Variants in SVIL observed in about 807,000 individuals in gnomAD.
SVIL encodes supervillin.
In SVIL, 101 loss-of-function variants were observed where a neutral mutation model predicts 240.4. The observed-to-expected ratio is 0.42, with a 90% confidence interval of 0.36 to 0.50. The LOEUF (loss-of-function observed/expected upper bound fraction) is 0.50. Among genes scored for constraint, SVIL ranks in the 20% least tolerant of loss-of-function variants. SVIL has a pLI of 0.01. For synonymous variants in SVIL, 999 were observed against 1,100.0 expected (o/e 0.91, Z 1.82); for missense variants, 2,512 against 2,818.7 (o/e 0.89, Z 2.46).
chr10:29,645,982 C>T (rs1795250619), intron 3 of SVIL, among the ~76,000 whole-genome samples: 1 of 152,170 alleles, frequency 6.6e-6, no homozygotes, highest in African/African-American at 2.4e-5. Flanking sequence ...GCTACAGCTC[C>T]CTTCAGCTTA....
chr10:29,564,202 C>T (rs569700289), intron 2 of SVIL, among the ~76,000 whole-genome samples: 4 of 152,236 alleles, frequency 2.6e-5, no homozygotes, highest in African/African-American at 4.8e-5. Context: ...CATGTCTGGC[C>T]GCAGCACAAC....
At chr10:29,465,041 T>G (rs1298392040) in intron 34 of SVIL, among the ~76,000 whole-genome samples, 1 of 152,206 alleles carries the variant, frequency 6.6e-6, no homozygotes, top group African/African-American at 2.4e-5. Flanking sequence ...CCTTCTCCTC[T>G]GCCATTTGCT....
intron 1 of SVIL, among the ~76,000 whole-genome samples, chr10:29,596,441 C>T (rs578151298): frequency 2.0e-5 from 3 of 152,232 alleles, no homozygotes; most frequent in Non-Finnish European, 4.4e-5. Flanking sequence ...CTACTGCACT[C>T]CAGCTTGGGC....
chr10:29,500,851 G>A (rs1356003374), intron 17 of SVIL, among the ~76,000 whole-genome samples: 1 of 152,048 alleles, frequency 6.6e-6, no homozygotes, highest in South Asian at 2.1e-4. Flanking sequence ...TCCCTTCACT[G>A]ACCCACGAGA....
chr10:29,615,172 C>T (rs985535924), intron 1 of SVIL, among the ~76,000 whole-genome samples: 2 of 152,100 alleles, frequency 1.3e-5, no homozygotes. Context: ...ATTTAAGAAA[C>T]AGACCAAACA....
chr10:29,671,597 T>A (rs1033242416), intron 2 of SVIL, among the ~76,000 whole-genome samples: 3 of 152,248 alleles, frequency 2.0e-5, no homozygotes, highest in African/African-American at 7.2e-5. Flanking sequence ...ATCCCCTTCC[T>A]TGCTACACTA....
Position 29,532,935 on chromosome 10 carries a change from C to A in SVIL, c.1432G>T (p.Gly478Cys). The change falls in exon 8 of 38, where the codon GGT (glycine) becomes TGT (cysteine). Residue 478 changes from glycine to cysteine, a missense_variant. Around this residue, in one of 3 missense-constraint regions of SVIL, gnomAD observed 1,443 missense variants for 1,486.6 expected, o/e 0.97. Transcript: ENST00000355867. The stretch of plus-strand genomic sequence containing the variant: ...GTGACTGTGCTCACAGCAGGCTTAC[C>A]AAAGTCCTCATTTCTAGAGGGATCT... ...PEDPSRNEDFGKPAVSTVTLE... is the reference protein window; with the variant it reads ...PEDPSRNEDFCKPAVSTVTLE... The A allele has an allele frequency of 6.2e-7, 1 of 1,614,122 alleles. No individual in the cohort carries two copies. The highest frequency in any genetic ancestry group is 1.1e-5 in the South Asian group (1 of 91,072).
intron 1 of SVIL, among the ~76,000 whole-genome samples, chr10:29,619,906 C>T (rs770430495): frequency 8.6e-5 from 13 of 151,744 alleles, no homozygotes; most frequent in African/African-American, 2.7e-4. Flanking sequence ...TTGGATGTTA[C>T]GCATACATAG....
At chr10:29,585,087 T>TC (rs35801845) in intron 1 of SVIL, among the ~76,000 whole-genome samples, 19,755 of 138,158 alleles carry the variant, frequency 0.14, 1,446 homozygotes, top group East Asian at 0.22. Context: ...TTCTTCTTCC[T>TC]TTTTTTTTTT....
At chr10:29,486,382 C>T (rs11007615) in intron 25 of SVIL, 28 bp downstream of exon 25, 36 of 1,610,442 alleles carry the variant, frequency 2.2e-5, no homozygotes, top group Admixed American at 3.4e-5. Flanking sequence ...CAAGTCTCGT[C>T]AATCTCTGAA....
intron 1 of SVIL, among the ~76,000 whole-genome samples, chr10:29,617,496 G>A (rs917404803): frequency 4.0e-5 from 6 of 151,782 alleles, no homozygotes; most frequent in South Asian, 2.1e-4. Flanking sequence ...CAGGAGAATC[G>A]CTTGAACCCG....
intron 36 of SVIL, among the ~76,000 whole-genome samples, chr10:29,458,949 A>C (rs1244472018): frequency 6.7e-6 from 1 of 149,546 alleles, no homozygotes; most frequent in East Asian, 2.0e-4. Context: ...TGGGACTATG[A>C]GTATGCATCA....
At chr10:29,707,967 A>T (rs1038764148) in intron 1 of SVIL, among the ~76,000 whole-genome samples, 28 of 152,304 alleles carry the variant, frequency 1.8e-4, no homozygotes, top group African/African-American at 6.7e-4. Flanking sequence ...ACTTTAAAAA[A>T]AATGTACAGG....
At chr10:29,716,781 T>C (rs898142663) in intron 1 of SVIL, among the ~76,000 whole-genome samples, 2 of 152,178 alleles carry the variant, frequency 1.3e-5, no homozygotes, top group African/African-American at 4.8e-5. Context: ...CTGAAAGAAA[T>C]AGAAAACCAG....
At chr10:29,685,422 C>T (rs1393875368) in intron 2 of SVIL, among the ~76,000 whole-genome samples, 3 of 152,142 alleles carry the variant, frequency 2.0e-5, no homozygotes, top group East Asian at 1.9e-4. Context: ...AATGTATACA[C>T]GTTTGGGTCT....
At position 29,490,848 on chromosome 10, in the gene SVIL, C is replaced by T; in HGVS notation, c.4191G>A (p.Lys1397=). ...FMESKRMKVE[K]MSSNSNFSEV... The stretch of plus-strand genomic sequence containing the variant: ...CAGGGTGGGGGTTCAAATACTCACT[C>T]TTTTCTACTTTCATCCGCTTTGACT... The change falls in exon 22 of 38, where the codon AAG becomes AAA. Residue 1397 remains lysine (K), a splice_region_variant and synonymous_variant. Transcript: ENST00000355867. The T allele has an allele frequency of 6.2e-7, 1 of 1,613,724 alleles. No individual in the cohort carries two copies. The highest frequency in any genetic ancestry group is 1.7e-5 in the Admixed American group (1 of 60,004).
At chr10:29,555,856 C>T (rs192816617) in intron 3 of SVIL, among the ~76,000 whole-genome samples, 51 of 152,342 alleles carry the variant, frequency 3.3e-4, no homozygotes, top group Admixed American at 2.0e-3. Context: ...CACCCTGTCA[C>T]GGAATTTGTC....
intron 3 of SVIL, among the ~76,000 whole-genome samples, chr10:29,556,033 G>A (rs1589240908): frequency 6.6e-6 from 1 of 152,160 alleles, no homozygotes; most frequent in Non-Finnish European, 1.5e-5. Flanking sequence ...GATGGGTAAG[G>A]TAATTACCCC....
chr10:29,621,292 G>C (rs1457769021), intron 1 of SVIL, among the ~76,000 whole-genome samples: 1 of 152,226 alleles, frequency 6.6e-6, no homozygotes, highest in Non-Finnish European at 1.5e-5. Context: ...AGCTAGGAAA[G>C]TGCTGCGGGA....
Sources: allele counts gnomAD v4.1 joint callset (sites outside exome capture counted in the v4.1 genomes callset), GRCh38; gene constraint gnomAD v4.1.1; regional missense constraint gnomAD v4.1.1; transcripts MANE v1.5; gene names NCBI Gene and HGNC (gene_info 2026-07-23, HGNC 2026-07-21).